The following OR14I1 variants were observed in gnomAD, a reference collection of about 807,000 sequenced individuals.
OR14I1 encodes the protein olfactory receptor 14I1.
For missense variants in OR14I1, 279 were observed against 181.8 expected, an observed-to-expected ratio of 1.53 and a Z score of -3.07; for synonymous variants, 118 against 71.1, an observed-to-expected ratio of 1.66 and a Z score of -3.32.
exon 1 of OR14I1, chr1:248,682,040 A>C (rs1224145959): frequency 1.3e-6 from 1 of 781,058 alleles, no homozygotes; most frequent in Non-Finnish European, 2.4e-6. Flanking sequence ...TAAGAGATGG[A>C]GCTTCTGCGA....
chr1:248,686,143 G>A (rs1160028396), upstream of OR14I1, among the ~76,000 whole-genome samples: 2 of 152,088 alleles, frequency 1.3e-5, no homozygotes, highest in Non-Finnish European at 2.9e-5. Context: ...TATGTATAAA[G>A]ATTTCCTGCT....
At chr1:248,678,902 T>C (rs1425889480), downstream of OR14I1, among the ~76,000 whole-genome samples, 3 of 152,208 alleles carry the variant, frequency 2.0e-5, no homozygotes, top group Non-Finnish European at 2.9e-5. Flanking sequence ...AATATTAATG[T>C]GGTCATAGAA....
upstream of OR14I1, chr1:248,682,455 T>C (rs933958234): frequency 5.6e-5 from 31 of 553,478 alleles, no homozygotes; most frequent in East Asian, 7.8e-4. Context: ...ACAAATAAAA[T>C]GGTGGGAGAT....
the OR14I1 span, among the ~76,000 whole-genome samples, chr1:248,697,498 A>C: frequency 1.3e-5 from 2 of 148,834 alleles, no homozygotes; most frequent in African/African-American, 2.5e-5. Flanking sequence ...AAAAAAAAAA[A>C]ACATGGCCGG....
At chr1:248,682,474 T>C (rs1159704508), upstream of OR14I1, among the ~76,000 whole-genome samples, 2 of 152,202 alleles carry the variant, frequency 1.3e-5, no homozygotes, top group Admixed American at 6.5e-5. Flanking sequence ...ATTTTTAACA[T>C]GGAAAGATCA....
upstream of OR14I1, among the ~76,000 whole-genome samples, chr1:248,684,056 G>T (rs934352988): frequency 8.6e-5 from 13 of 151,858 alleles, no homozygotes; most frequent in African/African-American, 3.1e-4. Flanking sequence ...AAAAAGAATT[G>T]TACTGTCACA....
the OR14I1 span, among the ~76,000 whole-genome samples, chr1:248,694,439 C>T: frequency 2.0e-5 from 3 of 152,190 alleles, no homozygotes; most frequent in Non-Finnish European, 2.9e-5. Flanking sequence ...ATAGTTATTC[C>T]TTTCTTGTTT....
the OR14I1 span, chr1:248,698,836 G>A: frequency 1.3e-5 from 2 of 152,312 alleles, no homozygotes; most frequent in East Asian, 3.9e-4. Flanking sequence ...GAGAGTGGAA[G>A]TCTCACTTAC....
At chr1:248,687,125 G>A (rs569897390), upstream of OR14I1, among the ~76,000 whole-genome samples, 3 of 152,318 alleles carry the variant, frequency 2.0e-5, no homozygotes, top group East Asian at 1.9e-4. Flanking sequence ...GTGAGGAAGT[G>A]ATGAGCATGA....
the OR14I1 span, among the ~76,000 whole-genome samples, chr1:248,694,428 CAT>C: frequency 4.6e-5 from 7 of 152,120 alleles, no homozygotes; most frequent in Admixed American, 1.3e-4. Context: ...GTTTAGCAAC[CAT>C]AGTTATTCCT....
chr1:248,689,556 G>A, the OR14I1 span, among the ~76,000 whole-genome samples: 1 of 151,972 alleles, frequency 6.6e-6, no homozygotes, highest in Non-Finnish European at 1.5e-5. Flanking sequence ...CAGCGTGAGA[G>A]CAATGGGCCC....
At chr1:248,691,156 A>G in the OR14I1 span, among the ~76,000 whole-genome samples, 1 of 152,248 alleles carries the variant, frequency 6.6e-6, no homozygotes, top group Non-Finnish European at 1.5e-5. Flanking sequence ...GTAAGCCATC[A>G]AAACAGCAGT....
the OR14I1 span, among the ~76,000 whole-genome samples, chr1:248,695,234 T>G: frequency 4.4e-3 from 422 of 96,674 alleles, no homozygotes; most frequent in Non-Finnish European, 5.9e-3. Context: ...TATGCTTTTT[T>G]TTTTTTTTTT....
the OR14I1 span, among the ~76,000 whole-genome samples, chr1:248,691,523 G>A: frequency 1.3e-5 from 2 of 152,308 alleles, no homozygotes; most frequent in Admixed American, 1.3e-4. Flanking sequence ...ATCTTTAATT[G>A]GGTGGGGTGA....
the OR14I1 span, chr1:248,692,641 G>C: frequency 1.3e-4 from 20 of 152,558 alleles, no homozygotes; most frequent in African/African-American, 4.8e-4. Context: ...GAGCAGACAC[G>C]GCTCCTGCCC....
chr1:248,679,150 G>A (rs989923258), downstream of OR14I1, among the ~76,000 whole-genome samples: 1 of 152,146 alleles, frequency 6.6e-6, no homozygotes, highest in Non-Finnish European at 1.5e-5. Context: ...TCTGGATCAA[G>A]AAAAATATGA....
upstream of OR14I1, among the ~76,000 whole-genome samples, chr1:248,683,104 C>A (rs1249867320): frequency 2.6e-5 from 4 of 152,076 alleles, no homozygotes; most frequent in Non-Finnish European, 5.9e-5. Flanking sequence ...GGAGGCATAA[C>A]AAGATCAAAT....
downstream of OR14I1, among the ~76,000 whole-genome samples, chr1:248,678,237 T>G (rs752393277): frequency 2.0e-5 from 3 of 152,236 alleles, no homozygotes; most frequent in Non-Finnish European, 4.4e-5. Flanking sequence ...AGGTATCTAA[T>G]GTAGTCATGA....
At chr1:248,684,777 T>TATATATAC (rs1422306238), upstream of OR14I1, among the ~76,000 whole-genome samples, 2 of 147,800 alleles carry the variant, frequency 1.4e-5, no homozygotes, top group African/African-American at 5.1e-5. Context: ...TATATATATA[T>TATATATAC]ACACACACAC....
Sources: allele counts gnomAD v4.1 joint callset (sites outside exome capture counted in the v4.1 genomes callset), GRCh38; gene constraint gnomAD v4.1.1; transcripts MANE v1.5; gene names NCBI Gene and HGNC (gene_info 2026-07-23, HGNC 2026-07-21).